The following CNBD1 variants were observed in gnomAD, a reference collection of about 807,000 sequenced individuals.
The protein encoded by CNBD1 is cyclic nucleotide-binding domain-containing protein 1.
Under a neutral mutation model 54.4 loss-of-function variants are expected in CNBD1, and 71 were observed. The ratio of observed to expected loss-of-function variants is 1.30; its 90% CI spans 1.08 to 1.59. The LOEUF is 1.59. Ranked by LOEUF, CNBD1 falls within the 40% of genes most tolerant of loss-of-function variation. CNBD1 has a pLI of 0.00. For missense variants in CNBD1, 659 were observed against 518.0 expected (o/e 1.27, Z -2.64); for synonymous variants, 182 against 170.7 (o/e 1.07, Z -0.51).
intron 5 of CNBD1, among the ~76,000 whole-genome samples, chr8:87,236,296 A>C (rs1041131799): frequency 3.3e-5 from 5 of 152,120 alleles, no homozygotes; most frequent in African/African-American, 1.2e-4. Context: ...ACAAATGAGT[A>C]TGTCTTTCAG....
At chr8:87,196,012 G>C (rs1350616933) in intron 4 of CNBD1, among the ~76,000 whole-genome samples, 2 of 152,024 alleles carry the variant, frequency 1.3e-5, no homozygotes, top group African/African-American at 4.8e-5. Flanking sequence ...AATATAAATT[G>C]ATTATGTTAC....
chr8:86,952,657 A>T (rs1456709384), intron 4 of CNBD1, among the ~76,000 whole-genome samples: 1 of 151,948 alleles, frequency 6.6e-6, no homozygotes, highest in Non-Finnish European at 1.5e-5. Flanking sequence ...TTTATATATA[A>T]TAAAAATGTA....
chr8:86,880,594 A>G (rs1808592943), intron 1 of CNBD1, among the ~76,000 whole-genome samples: 1 of 152,200 alleles, frequency 6.6e-6, no homozygotes, highest in African/African-American at 2.4e-5. Flanking sequence ...ATATTGATGG[A>G]CAACTGTATT....
chr8:86,961,208 G>A (rs1332268853), intron 4 of CNBD1, among the ~76,000 whole-genome samples: 1 of 152,130 alleles, frequency 6.6e-6, no homozygotes, highest in Admixed American at 6.5e-5. Context: ...CTAGCCATAA[G>A]ATAGCACTAC....
At chr8:86,869,960 T>C (rs948570880) in intron 1 of CNBD1, among the ~76,000 whole-genome samples, 2 of 152,112 alleles carry the variant, frequency 1.3e-5, no homozygotes, top group Admixed American at 1.3e-4. Context: ...TTCTTCACAC[T>C]AATTAGGCTT....
At chr8:87,025,399 A>T (rs2130583687) in intron 4 of CNBD1, among the ~76,000 whole-genome samples, 1 of 152,282 alleles carries the variant, frequency 6.6e-6, no homozygotes, top group African/African-American at 2.4e-5. Flanking sequence ...AACCTTTGTG[A>T]GCTATAACAC....
At chr8:87,079,439 T>C (rs1810942620) in intron 4 of CNBD1, among the ~76,000 whole-genome samples, 1 of 152,142 alleles carries the variant, frequency 6.6e-6, no homozygotes, top group Non-Finnish European at 1.5e-5. Flanking sequence ...CCATTATCAG[T>C]ATATGAGAGT....
intron 5 of CNBD1, 109 bp downstream of exon 5, chr8:87,206,247 G>T: frequency 1.2e-6 from 1 of 855,028 alleles, no homozygotes. Flanking sequence ...CAGTTGACAT[G>T]GTAAAAATGT....
At chr8:87,220,002 C>T (rs1406769024) in intron 5 of CNBD1, among the ~76,000 whole-genome samples, 2 of 151,914 alleles carry the variant, frequency 1.3e-5, no homozygotes, top group Middle Eastern at 3.4e-3. Context: ...TTCCTATAAA[C>T]TTTGGGATTA....
At chr8:87,327,770 G>C (rs996244485) in intron 8 of CNBD1, among the ~76,000 whole-genome samples, 1 of 152,100 alleles carries the variant, frequency 6.6e-6, no homozygotes. Context: ...CTTCTGCGTC[G>C]CTCACGCTGG....
chr8:86,907,772 A>G (rs182050658), intron 3 of CNBD1, among the ~76,000 whole-genome samples: 2 of 152,312 alleles, frequency 1.3e-5, no homozygotes, highest in African/African-American at 4.8e-5. Flanking sequence ...TAAGCTTAGT[A>G]TACATAGTTC....
intron 4 of CNBD1, among the ~76,000 whole-genome samples, chr8:87,072,408 G>T (rs529753708): frequency 2.7e-4 from 41 of 152,164 alleles, no homozygotes; most frequent in African/African-American, 8.2e-4. Flanking sequence ...TCACTGGTTT[G>T]TCTATTTTGT....
chr8:87,194,652 A>C (rs1311764718), intron 4 of CNBD1, among the ~76,000 whole-genome samples: 1 of 152,030 alleles, frequency 6.6e-6, no homozygotes, highest in African/African-American at 2.4e-5. Flanking sequence ...ATTTTGACTA[A>C]TGTTAATATG....
In CNBD1 at chr8:87,353,744, AAAG is replaced by A; in HGVS notation, c.1265_1267del (p.Glu422del). 2 of 1,611,368 alleles carry A rather than the reference AAAG, an allele frequency of 1.2e-6. No individual in the cohort carries two copies. Among genetic ancestry groups the A allele is most frequent in the East Asian group, 2.2e-5 (1 of 44,756 alleles). On this transcript the variant is annotated inframe_deletion, in exon 10 of 11. Transcript: ENST00000518476. ...TTTCACGTGCACAATCATTACCAAA[AAAG>A]AAGTTGAGATGGCAATCATTGAAGA...
intron 5 of CNBD1, among the ~76,000 whole-genome samples, chr8:87,213,205 G>T (rs1048376539): frequency 1.3e-5 from 2 of 151,760 alleles, no homozygotes; most frequent in Non-Finnish European, 2.9e-5. Flanking sequence ...ATTAAGCGTT[G>T]GTATGGATGT....
At chr8:87,373,249 A>G (rs1303593621) in intron 10 of CNBD1, among the ~76,000 whole-genome samples, 1 of 151,796 alleles carries the variant, frequency 6.6e-6, no homozygotes, top group Non-Finnish European at 1.5e-5. Flanking sequence ...ACTTCTACTG[A>G]CCCAATGATA....
intron 4 of CNBD1, among the ~76,000 whole-genome samples, chr8:87,175,365 G>A (rs572964113): frequency 3.9e-5 from 6 of 152,288 alleles, no homozygotes; most frequent in African/African-American, 1.4e-4. Context: ...TCTGAAGTCA[G>A]CACATCTCAG....
At chr8:87,099,846 G>A (rs918805694) in intron 4 of CNBD1, among the ~76,000 whole-genome samples, 4 of 152,206 alleles carry the variant, frequency 2.6e-5, no homozygotes, top group African/African-American at 9.6e-5. Flanking sequence ...TTCAGAGAAA[G>A]TAGCTATAAA....
intron 4 of CNBD1, among the ~76,000 whole-genome samples, chr8:86,996,897 A>G (rs551819850): frequency 6.6e-6 from 1 of 152,322 alleles, no homozygotes; most frequent in South Asian, 2.1e-4. Context: ...GACCAGCTTT[A>G]TAATTCATAG....
Sources: allele counts gnomAD v4.1 joint callset (sites outside exome capture counted in the v4.1 genomes callset), GRCh38; gene constraint gnomAD v4.1.1; transcripts MANE v1.5; gene names NCBI Gene and HGNC (gene_info 2026-07-23, HGNC 2026-07-21).